Variants in ANKRD23 observed in about 807,000 individuals in gnomAD.
ANKRD23 encodes ankyrin repeat domain 23.
ANKRD23 carries 52 observed loss-of-function variants against 38.1 expected under a neutral mutation model. The observed-to-expected ratio is 1.36, with a 90% CI of 1.09 to 1.72. The LOEUF (loss-of-function observed/expected upper bound fraction) is 1.72. Ranked by LOEUF, ANKRD23 falls within the 40% of genes most tolerant of loss-of-function variation. The pLI is 0.00. For synonymous variants in ANKRD23, 167 were observed against 162.9 expected (o/e 1.03, Z -0.19); for missense variants, 416 against 400.2 (o/e 1.04, Z -0.34).
Position 96,842,500 on chromosome 2 carries a change from T to C in ANKRD23, c.39A>G (p.Glu13=). Residue 13 remains glutamate (E), a synonymous_variant, in exon 2 of 9, where the codon GAA becomes GAG. Coordinates refer to ENST00000318357, the MANE Select transcript of ANKRD23 (RefSeq NM_144994.8). ...FISIQQLVSG[E]RVEGKVLGFG... Reference sequence around the variant, plus strand: ...ATCCCAACACTTTCCCTTCAACTCTTTCTCCACTTACCTGTAGGAACAGGA... The same window carrying C: ...ATCCCAACACTTTCCCTTCAACTCTCTCTCCACTTACCTGTAGGAACAGGA... 6.2e-7 allele frequency: 1 copy of C among 1,613,738 alleles called. No individual in the cohort carries two copies. The highest frequency in any genetic ancestry group is 2.2e-5 in the East Asian group (1 of 44,888).
rs1209366561 is a variant in ANKRD23 at position 96,838,940 on chromosome 2, A to G, written c.*609T>C. ...CCCACCTCCAGAGTTCCTATGACCAAAGTTGTCTAGAGCCGCTCCGGACAC... is the reference window on the plus strand; with the variant it reads ...CCCACCTCCAGAGTTCCTATGACCAGAGTTGTCTAGAGCCGCTCCGGACAC... On this transcript the variant is annotated 3_prime_UTR_variant, in exon 9 of 9. Coordinates refer to ENST00000318357, the MANE Select transcript of ANKRD23 (RefSeq NM_144994.8). 1.0e-6 allele frequency: 1 copy of G among 985,414 alleles called. No homozygotes were observed. Among genetic ancestry groups the G allele is most frequent in the African/African-American group, 1.7e-5 (1 of 57,232 alleles). 61.0% of individuals were successfully genotyped at this position (985,414 alleles called of 1,614,324 possible). A position where few individuals can be genotyped will look rare whatever the true frequency, so the allele number is the denominator to read the frequency against.
At position 96,839,044 on chromosome 2, in the gene ANKRD23, C is replaced by CGG; in HGVS notation, c.*503_*504dup. On this transcript the variant is annotated 3_prime_UTR_variant, in exon 9 of 9. Transcript: ENST00000318357. ...GGCATCCACCAGCTGCAGACAGGCCCGGCCCCTGCATGGCCTGCCTTGGCT... is the reference window on the plus strand; with the variant it reads ...GGCATCCACCAGCTGCAGACAGGCCCGGGGCCCCTGCATGGCCTGCCTTGGCT... 1 of 986,466 alleles carries CGG rather than the reference C, an allele frequency of 1.0e-6. No individual in the cohort carries two copies. The highest frequency in any genetic ancestry group is 1.2e-6 in the Non-Finnish European group (1 of 830,710). The allele number at this position is 986,466 out of a possible 1,614,324, so 61.1% of individuals were successfully genotyped here.
chr2:96,840,415 C>T lies in ANKRD23; in HGVS notation c.525+1G>A, dbSNP rs758624990. ...GAGGCTGGGCCTTTCCCCATCCTCA[C>T]CAAGTCTCGCGCGTCCACTGTGGCA... On this transcript the variant is annotated splice_donor_variant, in intron 5 of 8. Coordinates refer to ENST00000318357, the MANE Select transcript of ANKRD23 (RefSeq NM_144994.8). LOFTEE classifies it high-confidence loss of function. 46 of 1,613,892 alleles carry T rather than the reference C, an allele frequency of 2.9e-5. No individual in the cohort carries two copies. The Middle Eastern group carries it at 1.2e-3, about 40-fold the overall frequency.
Position 96,839,805 on chromosome 2 carries a change from G to T in ANKRD23, c.744C>A (p.His248Gln). 6.2e-7 allele frequency: 1 copy of T among 1,612,932 alleles called. No homozygotes were observed. Among genetic ancestry groups the T allele is most frequent in the East Asian group, 2.2e-5 (1 of 44,866 alleles). ...TGTAGCTGCCGTGCCGCACGGCCTC[G>T]TGCAGAGCCGTGTCCCCTTCCTGCT... ...AQDKEGDTAL[H>Q]EAVRHGSYKA... The change falls in exon 8 of 9, where the codon CAC becomes CAA. Residue 248 changes from histidine (H) to glutamine (Q), a missense_variant. Physicochemically the swap from His to Gln is conservative, Grantham distance 24. Coordinates refer to ENST00000318357, the MANE Select transcript of ANKRD23 (RefSeq NM_144994.8).
In ANKRD23 at chr2:96,839,100, G is replaced by A. The variant is rs547425732; in HGVS notation, c.*449C>T. On this transcript the variant is annotated 3_prime_UTR_variant, in exon 9 of 9. Transcript: ENST00000318357. ...TTGTACATCCTGGATGGCATCTGCCGGCCACGGGCTGAGTCCCCACACACA... is the reference window on the plus strand; with the variant it reads ...TTGTACATCCTGGATGGCATCTGCCAGCCACGGGCTGAGTCCCCACACACA... 1.3e-4 allele frequency: 133 copies of A among 990,304 alleles called. No individual in the cohort carries two copies. In the African/African-American group the frequency reaches 2.0e-3, roughly 15 times the overall value. 61.3% of individuals were successfully genotyped at this position (990,304 alleles called of 1,614,324 possible). A position where few individuals can be genotyped will look rare whatever the true frequency, so the allele number is the denominator to read the frequency against.
chr2:96,840,744 G>A (rs1318435628), intron 4 of ANKRD23, 43 bp downstream of exon 4: 1 of 1,611,762 alleles, frequency 6.2e-7, no homozygotes, highest in South Asian at 1.1e-5. Flanking sequence ...CAGCGCTCCT[G>A]CAGCTGCAGC....
rs1463684254 is a variant in ANKRD23 at position 96,839,802 on chromosome 2, C to T, written c.747G>A (p.Glu249=). ...QDKEGDTALH[E]AVRHGSYKAM... is the part of the protein sequence containing the mutation. ...CTTTGTAGCTGCCGTGCCGCACGGC[C>T]TCGTGCAGAGCCGTGTCCCCTTCCT... Residue 249 remains glutamate (E), a synonymous_variant, in exon 8 of 9, where the codon GAG becomes GAA. Transcript: ENST00000318357. 1.9e-6 allele frequency: 3 copies of T among 1,613,140 alleles called. No homozygotes were observed. The highest frequency in any genetic ancestry group is 2.5e-6 in the Non-Finnish European group (3 of 1,179,886).
At position 96,838,861 on chromosome 2, in the gene ANKRD23, T is replaced by C. The variant is rs1352195651; in HGVS notation, c.*688A>G. The C allele has an allele frequency of 1.0e-6, 1 of 985,396 alleles. No homozygotes were observed. Among genetic ancestry groups the C allele is most frequent in the Non-Finnish European group, 1.2e-6 (1 of 830,000 alleles). 61.0% of individuals were successfully genotyped at this position (985,396 alleles called of 1,614,324 possible). A position where few individuals can be genotyped will look rare whatever the true frequency, so the allele number is the denominator to read the frequency against. ...TGAGGCAACCTAGTGGGTCCTGGACTTCTGTTGCTGTGGGGCCTCAAACCT... is the reference window on the plus strand; with the variant it reads ...TGAGGCAACCTAGTGGGTCCTGGACCTCTGTTGCTGTGGGGCCTCAAACCT... On this transcript the variant is annotated 3_prime_UTR_variant, in exon 9 of 9. Transcript: ENST00000318357.
In ANKRD23 at chr2:96,839,128, G is replaced by C. The variant is rs1236555170; in HGVS notation, c.*421C>G. 2.5e-5 allele frequency: 25 copies of C among 996,626 alleles called. No individual in the cohort carries two copies. Among genetic ancestry groups the C allele is most frequent in the Non-Finnish European group, 3.0e-5 (25 of 837,912 alleles). The allele number at this position is 996,626 out of a possible 1,614,324, so 61.7% of individuals were successfully genotyped here. A position where few individuals can be genotyped will look rare whatever the true frequency, so the allele number is the denominator to read the frequency against. On this transcript the variant is annotated 3_prime_UTR_variant, in exon 9 of 9. Transcript: ENST00000318357. The stretch of plus-strand genomic sequence containing the variant: ...CACGGGCTGAGTCCCCACACACACA[G>C]ACTGGCCCTGGAGAGAGCAAGGCAA...
chr2:96,838,902 CAG>C lies in ANKRD23; in HGVS notation c.*645_*646del, dbSNP rs577857145. The stretch of plus-strand genomic sequence containing the variant: ...CCTCAAACCTGTTGAGTAGCCACCT[CAG>C]ATGACCAGAACCCACCTCCAGAGTT... On this transcript the variant is annotated 3_prime_UTR_variant, in exon 9 of 9. Transcript: ENST00000318357. 108 of 985,576 alleles carry C rather than the reference CAG, an allele frequency of 1.1e-4. 2 individuals are homozygous for C. In the East Asian group the frequency reaches 0.01, roughly 94 times the overall value. 61.1% of individuals were successfully genotyped at this position (985,576 alleles called of 1,614,324 possible). A position where few individuals can be genotyped will look rare whatever the true frequency, so the allele number is the denominator to read the frequency against.
intron 1 of ANKRD23, among the ~76,000 whole-genome samples, chr2:96,843,414 G>T (rs2079782152): frequency 6.6e-6 from 1 of 152,134 alleles, no homozygotes; most frequent in South Asian, 2.1e-4. Flanking sequence ...GAGCGAAAGA[G>T]CACCCTTCCC....
intron 1 of ANKRD23, 110 bp from the exon 2 acceptor site, chr2:96,842,621 G>A: frequency 7.4e-7 from 1 of 1,353,676 alleles, no homozygotes; most frequent in Admixed American, 2.7e-5. Context: ...TCACAAGGCT[G>A]GTGCCCGGGA....
chr2:96,841,994 C>T (rs2079766972), intron 3 of ANKRD23, 66 bp downstream of exon 3: 2 of 1,609,012 alleles, frequency 1.2e-6, no homozygotes, highest in South Asian at 1.1e-5. Flanking sequence ...CCACTCTGCC[C>T]CAAGCCCTTC....
Position 96,843,916 on chromosome 2 carries a change from C to T in ANKRD23, c.27+50G>A, listed in dbSNP as rs746942918. ...GCCAGCCCTCTCTAGCCAGCCTCCT[C>T]CTATCAAGCCGGTCCCAGGGTGCCT... is the stretch of plus-strand genomic sequence containing the variant. On this transcript the variant is annotated intron_variant, in intron 1 of 8. Coordinates refer to ENST00000318357, the MANE Select transcript of ANKRD23 (RefSeq NM_144994.8). 5 of 1,585,676 alleles carry T rather than the reference C, an allele frequency of 3.2e-6. No homozygotes were observed. In the South Asian group the frequency reaches 5.7e-5, roughly 18 times the overall value.
Position 96,839,388 on chromosome 2 carries a change from C to T in ANKRD23, c.*161G>A. 7.9e-7 allele frequency: 1 copy of T among 1,268,234 alleles called. No homozygotes were observed. The highest frequency in any genetic ancestry group is 3.4e-5 in the South Asian group (1 of 29,710). 78.6% of individuals were successfully genotyped at this position (1,268,234 alleles called of 1,614,324 possible). A position where few individuals can be genotyped will look rare whatever the true frequency, so the allele number is the denominator to read the frequency against. The stretch of plus-strand genomic sequence containing the variant: ...AGGCCTCTCTCTTTGCCTGCTGGGC[C>T]CGGTGCCGCTCTTCAGTTCTGCCAG... On this transcript the variant is annotated 3_prime_UTR_variant, in exon 9 of 9. Coordinates refer to ENST00000318357, the MANE Select transcript of ANKRD23 (RefSeq NM_144994.8).
chr2:96,842,485 T>C lies in ANKRD23; in HGVS notation c.54A>G (p.Lys18=). 1 of 1,614,006 alleles carries C rather than the reference T, an allele frequency of 6.2e-7. No homozygotes were observed. Among genetic ancestry groups the C allele is most frequent in the South Asian group, 1.1e-5 (1 of 91,066 alleles). ...QLVSGERVEG[K]VLGFGHGVPD... ...GAACTCCATGTCCAAATCCCAACACTTTCCCTTCAACTCTTTCTCCACTTA... is the reference window on the plus strand; with the variant it reads ...GAACTCCATGTCCAAATCCCAACACCTTCCCTTCAACTCTTTCTCCACTTA... Residue 18 remains lysine (K), a synonymous_variant, in exon 2 of 9, where the codon AAA becomes AAG. Coordinates refer to ENST00000318357, the MANE Select transcript of ANKRD23 (RefSeq NM_144994.8).
chr2:96,843,866 G>T, intron 1 of ANKRD23, 100 bp downstream of exon 1: 1 of 1,191,948 alleles, frequency 8.4e-7, no homozygotes, highest in Non-Finnish European at 1.2e-6. Flanking sequence ...CCTAAGACTT[G>T]ACCCTCACAC....
At position 96,842,006 on chromosome 2, in the gene ANKRD23, T is replaced by G. The variant is rs1312124493; in HGVS notation, c.300+54A>C. 2.5e-6 allele frequency: 4 copies of G among 1,611,230 alleles called. No individual in the cohort carries two copies. In the African/African-American group the frequency reaches 4.0e-5, roughly 16 times the overall value. On this transcript the variant is annotated intron_variant, in intron 3 of 8. Transcript: ENST00000318357. ...TGCCCACTCTGCCCCAAGCCCTTCC[T>G]CTGGAACTGGAGCCCTGGTGTGTGC... is the stretch of plus-strand genomic sequence containing the variant.
chr2:96,841,156 T>C, intron 3 of ANKRD23: 1 of 458,332 alleles, frequency 2.2e-6, no homozygotes, highest in Non-Finnish European at 3.9e-6. Flanking sequence ...TAACCCCAGG[T>C]ACCTCAGAAT....
Sources: allele counts gnomAD v4.1 joint callset (sites outside exome capture counted in the v4.1 genomes callset), GRCh38; gene constraint gnomAD v4.1.1; transcripts MANE v1.5; gene names NCBI Gene and HGNC (gene_info 2026-07-23, HGNC 2026-07-21).